MCPH1: variants seen among roughly 807,000 people sequenced by gnomAD.
MCPH1 encodes microcephalin.
Under a neutral mutation model 84.5 loss-of-function variants are expected in MCPH1, and 104 were observed. The observed-to-expected ratio is 1.23, with a 90% confidence interval of 1.05 to 1.45. The LOEUF (loss-of-function observed/expected upper bound fraction) is 1.45, where lower values mean the gene tolerates loss of function less well. MCPH1 is among the 40% of genes most tolerant of loss of function. MCPH1 has a pLI of 0.00. For missense variants in MCPH1, 1,498 were observed against 1,005.7 expected, an observed-to-expected ratio of 1.49 and a Z score of -6.62; for synonymous variants, 514 against 366.8, an observed-to-expected ratio of 1.40 and a Z score of -4.58.
intron 12 of MCPH1, chr8:6,519,805 A>T (rs946768350): frequency 6.3e-7 from 1 of 1,584,430 alleles, no homozygotes. Context: ...CTGGTTCCTC[A>T]CTCACTAAAG....
chr8:6,522,784 AAG>A (rs1817618875), intron 12 of MCPH1, among the ~76,000 whole-genome samples: 1 of 149,702 alleles, frequency 6.7e-6, no homozygotes, highest in Non-Finnish European at 1.5e-5. Flanking sequence ...AAAAAAAAAA[AAG>A]AAAAGAAAAG....
intron 10 of MCPH1, among the ~76,000 whole-genome samples, chr8:6,480,346 G>C (rs540463801): frequency 1.6e-3 from 247 of 152,048 alleles, no homozygotes; most frequent in South Asian, 4.2e-3. Context: ...GGCTGATCTT[G>C]AACTCCTGGT....
chr8:6,498,013 AG>A (rs1453069565), intron 11 of MCPH1, among the ~76,000 whole-genome samples: 1 of 152,024 alleles, frequency 6.6e-6, no homozygotes, highest in Non-Finnish European at 1.5e-5. Flanking sequence ...CAGTGCAATA[AG>A]GGGGAAAATA....
chr8:6,624,941 T>C (rs1455715758), intron 13 of MCPH1: 1 of 832,340 alleles, frequency 1.2e-6, no homozygotes, highest in Non-Finnish European at 1.4e-6. Flanking sequence ...AGTGATGAGA[T>C]CTCAGCTCAC....
intron 11 of MCPH1, among the ~76,000 whole-genome samples, chr8:6,496,687 T>C (rs142166572): frequency 3.3e-5 from 5 of 152,328 alleles, no homozygotes; most frequent in South Asian, 4.1e-4. Flanking sequence ...TGTAGTGTTA[T>C]GACTAACAGT....
At chr8:6,453,536 A>G (rs1805324642) in intron 8 of MCPH1, among the ~76,000 whole-genome samples, 1 of 152,052 alleles carries the variant, frequency 6.6e-6, no homozygotes, top group East Asian at 1.9e-4. Flanking sequence ...TAAAACTTTT[A>G]TTGAATACAC....
intron 2 of MCPH1, among the ~76,000 whole-genome samples, chr8:6,413,885 G>A (rs1055798631): frequency 6.6e-6 from 1 of 151,800 alleles, no homozygotes; most frequent in Non-Finnish European, 1.5e-5. Context: ...CTCCCGAGTT[G>A]CTGAGACTAC....
chr8:6,642,239 C>T (rs990329416), intron 13 of MCPH1, among the ~76,000 whole-genome samples: 16 of 152,072 alleles, frequency 1.1e-4, no homozygotes, highest in African/African-American at 3.1e-4. Flanking sequence ...ATCATCCAAT[C>T]GGTGCTGACA....
At chr8:6,432,403 C>T (rs1438659046) in intron 4 of MCPH1, among the ~76,000 whole-genome samples, 1 of 151,942 alleles carries the variant, frequency 6.6e-6, no homozygotes, top group Non-Finnish European at 1.5e-5. Flanking sequence ...CCAATCGCGA[C>T]TGGTTGAATC....
At chr8:6,436,231 C>G (rs1034606282) in intron 5 of MCPH1, 69 bp downstream of exon 5, 10 of 1,501,424 alleles carry the variant, frequency 6.7e-6, no homozygotes, top group African/African-American at 1.4e-5. Flanking sequence ...TGCATGATGA[C>G]TAGTGGGGTT....
At chr8:6,475,634 C>G (rs1808348107) in intron 9 of MCPH1, among the ~76,000 whole-genome samples, 1 of 152,194 alleles carries the variant, frequency 6.6e-6, no homozygotes, top group African/African-American at 2.4e-5. Flanking sequence ...GGGCAATGCT[C>G]TATCCCCAGG....
At chr8:6,516,737 T>G (rs1473053343) in intron 12 of MCPH1, among the ~76,000 whole-genome samples, 1 of 152,252 alleles carries the variant, frequency 6.6e-6, no homozygotes, top group Non-Finnish European at 1.5e-5. Context: ...AGCATTGACG[T>G]GGCTCTTGGT....
chr8:6,640,006 C>G (rs754766888), intron 13 of MCPH1, among the ~76,000 whole-genome samples: 9 of 151,172 alleles, frequency 6.0e-5, no homozygotes, highest in Admixed American at 5.9e-4. Flanking sequence ...CCCAAGTAGG[C>G]GGGACTACAG....
intron 12 of MCPH1, among the ~76,000 whole-genome samples, chr8:6,528,079 T>A (rs1437480975): frequency 1.3e-5 from 2 of 152,062 alleles, no homozygotes; most frequent in Non-Finnish European, 2.9e-5. Flanking sequence ...ATATTTTTGG[T>A]ACAGATGGGG....
rs1208994496 is a variant in MCPH1, at chr8:6,645,404, G to T, written c.*2355G>T. On this transcript the variant is annotated 3_prime_UTR_variant, in exon 14 of 14. Transcript: ENST00000344683. ...CAAAGCCTTACTCAAAACATATAGGGCTAGAGGTTCTCAGGATTCTGAATT... is the reference window on the plus strand; with the variant it reads ...CAAAGCCTTACTCAAAACATATAGGTCTAGAGGTTCTCAGGATTCTGAATT... The T allele has an allele frequency of 6.6e-6, 1 of 152,006 alleles. No homozygotes were observed. Among genetic ancestry groups the T allele is most frequent in the African/African-American group, 2.4e-5 (1 of 41,362 alleles). 9.4% of individuals were successfully genotyped at this position (152,006 alleles called of 1,614,324 possible).
intron 12 of MCPH1, among the ~76,000 whole-genome samples, chr8:6,513,259 G>A (rs1000767989): frequency 6.4e-4 from 97 of 151,938 alleles, no homozygotes; most frequent in Non-Finnish European, 1.2e-4. Flanking sequence ...TTAGATCTTG[G>A]TTAAATCATT....
chr8:6,604,339 G>C (rs983917835), intron 12 of MCPH1, among the ~76,000 whole-genome samples: 3 of 152,230 alleles, frequency 2.0e-5, no homozygotes, highest in East Asian at 1.9e-4. Context: ...TGACCGAGAA[G>C]TAGAAACTAG....
intron 12 of MCPH1, among the ~76,000 whole-genome samples, chr8:6,503,812 C>T (rs116051409): frequency 6.6e-6 from 1 of 152,130 alleles, no homozygotes; most frequent in Non-Finnish European, 1.5e-5. Flanking sequence ...TCAGCTAAAG[C>T]CAGGGCAGGA....
intron 3 of MCPH1, among the ~76,000 whole-genome samples, chr8:6,421,905 G>A (rs1268138332): frequency 6.6e-6 from 1 of 152,100 alleles, no homozygotes; most frequent in Non-Finnish European, 1.5e-5. Context: ...TTAGTTCTTG[G>A]CCTGTGCTGA....
Sources: gnomAD v4.1 joint callset for allele counts (sites outside exome capture counted in the v4.1 genomes callset) on GRCh38, gnomAD v4.1.1 for gene constraint, MANE v1.5 for transcripts, NCBI Gene and HGNC (gene_info 2026-07-23, HGNC 2026-07-21) for gene names.